SLC24A3: variants seen among roughly 807,000 people sequenced by gnomAD.
SLC24A3 encodes sodium/potassium/calcium exchanger 3.
In SLC24A3, 28 loss-of-function variants were observed where a neutral mutation model predicts 75.8. That is an observed-to-expected ratio of 0.37 (90% CI 0.27 to 0.51). SLC24A3 has a LOEUF of 0.51. Ranked by LOEUF, SLC24A3 falls within the 20% of genes least tolerant of loss-of-function variation. The pLI, the probability that SLC24A3 is intolerant of heterozygous loss-of-function variation, is 0.94. For synonymous variants in SLC24A3, 372 were observed against 334.1 expected (o/e 1.11, Z -1.24); for missense variants, 663 against 847.8 (o/e 0.78, Z 2.71).
intron 3 of SLC24A3, among the ~76,000 whole-genome samples, chr20:19,545,606 G>A (rs1019120685): frequency 2.0e-5 from 3 of 152,140 alleles, no homozygotes; most frequent in African/African-American, 7.2e-5. Flanking sequence ...GGGCCTTGCT[G>A]CGTTGCCACC....
At chr20:19,227,423 A>G (rs1457669480) in intron 1 of SLC24A3, among the ~76,000 whole-genome samples, 5 of 151,082 alleles carry the variant, frequency 3.3e-5, no homozygotes, top group Non-Finnish European at 2.9e-5. Flanking sequence ...GAGGATTCTC[A>G]TGACATCTGG....
rs1286912809 is a variant in SLC24A3, at chr20:19,710,084, A to ACTAAACC, written c.1720-7443_1720-7442insTAAACCC. Among the ~76,000 whole-genome samples, 11 of 152,340 alleles carry ACTAAACC rather than the reference A, an allele frequency of 7.2e-5. 1 individual carries two copies. Among genetic ancestry groups the ACTAAACC allele is most frequent in the Admixed American group, 2.0e-4 (3 of 15,304 alleles). On this transcript the variant is annotated intron_variant, in intron 15 of 16. Transcript: ENST00000328041. ...ACATCCATTTGGAAACTACACCCAA[A>ACTAAACC]CAAGTGTAAAACTACCCAAATAAGA...
rs7361650 is a variant in SLC24A3 at position 19,479,581 on chromosome 20, G to A, written c.272-35907G>A. ...AAGTTTGGTGTGTGAGTGGGGAAGA[G>A]AGACAAGAGAGGGAAAGGAATAAGA... On this transcript the variant is annotated intron_variant, in intron 2 of 16. Coordinates refer to ENST00000328041, the MANE Select transcript of SLC24A3 (RefSeq NM_020689.4). 7.8e-3 allele frequency among the ~76,000 whole-genome samples: 1,184 copies of A among 152,346 alleles called. 7 individuals carry two copies. Among genetic ancestry groups the A allele is most frequent in the Non-Finnish European group, 0.012 (837 of 68,030 alleles).
chr20:19,638,870 G>A (rs543993475), intron 6 of SLC24A3, among the ~76,000 whole-genome samples: 9 of 152,130 alleles, frequency 5.9e-5, no homozygotes, highest in Non-Finnish European at 1.0e-4. Flanking sequence ...TGGGCTTGCT[G>A]GTTTCAGGAG....
intron 2 of SLC24A3, among the ~76,000 whole-genome samples, chr20:19,437,357 T>G (rs75757343): frequency 0.027 from 4,167 of 152,304 alleles, 166 homozygotes; most frequent in East Asian, 0.1. Flanking sequence ...TGCCCTGCTG[T>G]CACTCATTCT....
At chr20:19,302,874 T>G (rs1984227114) in intron 2 of SLC24A3, among the ~76,000 whole-genome samples, 1 of 152,180 alleles carries the variant, frequency 6.6e-6, no homozygotes, top group Non-Finnish European at 1.5e-5. Context: ...AGTTCCCTGT[T>G]GTGGGTAGTT....
intron 8 of SLC24A3, among the ~76,000 whole-genome samples, chr20:19,670,660 C>A (rs959689967): frequency 6.6e-6 from 1 of 152,214 alleles, no homozygotes; most frequent in Non-Finnish European, 1.5e-5. Flanking sequence ...CCCTTCAGAA[C>A]CTGGGAGCCT....
At position 19,325,791 on chromosome 20, in the gene SLC24A3, TATATAGAGAGAG is replaced by T. The variant is rs1481131227; in HGVS notation, c.271+44706_271+44717del. On this transcript the variant is annotated intron_variant, in intron 2 of 16. Coordinates refer to ENST00000328041, the MANE Select transcript of SLC24A3 (RefSeq NM_020689.4). ...ATATATATATACATATATATATATA[TATATAGAGAGAG>T]AGAGAGAGAGAGAGAGAGAGAGAGA... Among the ~76,000 whole-genome samples the T allele has an allele frequency of 3.8e-4, 34 of 89,426 alleles. No homozygotes were observed. The South Asian group carries it at 4.0e-3, about 10-fold the overall frequency. 58.7% of individuals were successfully genotyped at this position (89,426 alleles called of 152,430 possible).
chr20:19,352,082 G>A (rs937489544), intron 2 of SLC24A3, among the ~76,000 whole-genome samples: 2 of 151,948 alleles, frequency 1.3e-5, no homozygotes, highest in African/African-American at 4.8e-5. Context: ...GGGAGGATGA[G>A]GGGGTAGCAG....
intron 3 of SLC24A3, among the ~76,000 whole-genome samples, chr20:19,542,576 G>A (rs530509875): frequency 1.3e-5 from 2 of 152,206 alleles, no homozygotes; most frequent in Non-Finnish European, 2.9e-5. Context: ...ACCCCAGAAT[G>A]AGAGCTGCCT....
chr20:19,248,577 A>T (rs532945426), intron 1 of SLC24A3, among the ~76,000 whole-genome samples: 1 of 152,146 alleles, frequency 6.6e-6, no homozygotes, highest in Non-Finnish European at 1.5e-5. Flanking sequence ...GCCATTATGG[A>T]AAACAGTATG....
intron 2 of SLC24A3, among the ~76,000 whole-genome samples, chr20:19,423,420 T>C (rs917948732): frequency 6.6e-6 from 1 of 152,084 alleles, no homozygotes; most frequent in Non-Finnish European, 1.5e-5. Context: ...CAAAAGAAAA[T>C]GTAGCTAGGC....
At chr20:19,367,012 G>A (rs1985904078) in intron 2 of SLC24A3, among the ~76,000 whole-genome samples, 1 of 152,204 alleles carries the variant, frequency 6.6e-6, no homozygotes, top group African/African-American at 2.4e-5. Context: ...AGAACCTATT[G>A]TGATGGCGGA....
intron 3 of SLC24A3, among the ~76,000 whole-genome samples, chr20:19,524,712 AT>A (rs1304581472): frequency 1.3e-5 from 2 of 152,068 alleles, no homozygotes; most frequent in Admixed American, 6.6e-5. Flanking sequence ...AGCTTTATTT[AT>A]TTGTTCTTCT....
intron 6 of SLC24A3, among the ~76,000 whole-genome samples, chr20:19,632,606 A>G (rs78455048): frequency 0.02 from 3,089 of 152,352 alleles, 43 homozygotes; most frequent in Middle Eastern, 0.045. Context: ...AGTCTCACTT[A>G]CAATGTAAGC....
At chr20:19,651,570 G>T (rs190544713) in intron 6 of SLC24A3, among the ~76,000 whole-genome samples, 2 of 152,000 alleles carry the variant, frequency 1.3e-5, no homozygotes, top group African/African-American at 2.4e-5. Context: ...CTATGAAAAT[G>T]CATGTCCGGC....
intron 2 of SLC24A3, among the ~76,000 whole-genome samples, chr20:19,381,031 A>G (rs1986171541): frequency 6.6e-6 from 1 of 152,186 alleles, no homozygotes; most frequent in Non-Finnish European, 1.5e-5. Context: ...GTAGGACAAT[A>G]TAAGAGTGCT....
intron 2 of SLC24A3, among the ~76,000 whole-genome samples, chr20:19,336,187 G>A (rs1985128657): frequency 6.6e-6 from 1 of 152,090 alleles, no homozygotes; most frequent in Admixed American, 6.5e-5. Flanking sequence ...CTGTCCTTTA[G>A]GCCAGGGCTC....
intron 15 of SLC24A3, among the ~76,000 whole-genome samples, chr20:19,711,531 CAT>C (rs1450190199): frequency 6.6e-6 from 1 of 151,296 alleles, no homozygotes; most frequent in Non-Finnish European, 1.5e-5. Context: ...CAAACACACA[CAT>C]GCATGCAAAC....
Sources: gnomAD v4.1 joint callset for allele counts (sites outside exome capture counted in the v4.1 genomes callset) on GRCh38, gnomAD v4.1.1 for gene constraint, MANE v1.5 for transcripts, NCBI Gene and HGNC (gene_info 2026-07-23, HGNC 2026-07-21) for gene names.